Variants in GALNT13 observed in about 807,000 individuals in gnomAD.
The protein encoded by GALNT13 is polypeptide N-acetylgalactosaminyltransferase 13.
GALNT13 carries 28 observed loss-of-function variants against 64.2 expected under a neutral mutation model. The observed-to-expected ratio is 0.44, with a 90% CI of 0.32 to 0.60. The LOEUF (loss-of-function observed/expected upper bound fraction) is 0.60. Among genes scored for constraint, GALNT13 ranks in the 20% least tolerant of loss-of-function variants. The pLI, the probability that GALNT13 is intolerant of heterozygous loss-of-function variation, is 0.05. For missense variants in GALNT13, 577 were observed against 669.8 expected, an observed-to-expected ratio of 0.86 and a Z score of 1.53; for synonymous variants, 214 against 224.6, an observed-to-expected ratio of 0.95 and a Z score of 0.42.
At chr2:153,899,811 T>C (rs111861183) in intron 1 of GALNT13, among the ~76,000 whole-genome samples, 267 of 152,056 alleles carry the variant, frequency 1.8e-3, no homozygotes, top group African/African-American at 5.7e-3. Context: ...GAACTTAATA[T>C]TCCTTTAAAG....
chr2:153,111,489 CA>C, the GALNT13 span, among the ~76,000 whole-genome samples: 1 of 151,880 alleles, frequency 6.6e-6, no homozygotes, highest in Non-Finnish European at 1.5e-5. Context: ...GATATAAAAA[CA>C]AAGAAATTCG....
the GALNT13 span, among the ~76,000 whole-genome samples, chr2:153,500,417 A>G: frequency 2.0e-5 from 3 of 152,204 alleles, no homozygotes; most frequent in Non-Finnish European, 2.9e-5. Context: ...ACTTGGGTGC[A>G]TGGAGATTGG....
rs1042342299 is a variant in GALNT13, at chr2:154,423,920, T to C, written c.1396-14672T>C. ...GTGATACCGTGCACCCTTGAAGTGATGGGAATGACACTGTACCTTTGAGGT... is the reference window on the plus strand; with the variant it reads ...GTGATACCGTGCACCCTTGAAGTGACGGGAATGACACTGTACCTTTGAGGT... On this transcript the variant is annotated intron_variant, in intron 11 of 12. Coordinates refer to ENST00000392825, the MANE Select transcript of GALNT13 (RefSeq NM_052917.4). Among the ~76,000 whole-genome samples, 3 of 152,140 alleles carry C rather than the reference T, an allele frequency of 2.0e-5. No individual in the cohort carries two copies. The East Asian group carries it at 5.8e-4, about 29-fold the overall frequency.
At chr2:154,072,711 C>G (rs562769351) in intron 3 of GALNT13, among the ~76,000 whole-genome samples, 2 of 152,114 alleles carry the variant, frequency 1.3e-5, no homozygotes, top group East Asian at 3.9e-4. Context: ...CTTACAGCAA[C>G]TGGTGGTAGG....
chr2:154,189,742 AT>A (rs1361681099), intron 4 of GALNT13, among the ~76,000 whole-genome samples: 1 of 152,180 alleles, frequency 6.6e-6, no homozygotes. Flanking sequence ...ATCCCAATAA[AT>A]ATGTCACTAA....
chr2:153,099,280 G>T, the GALNT13 span, among the ~76,000 whole-genome samples: 2 of 152,094 alleles, frequency 1.3e-5, no homozygotes, highest in African/African-American at 4.8e-5. Context: ...TCCTGATCTG[G>T]CTTTTCAGTT....
chr2:153,696,466 T>C, the GALNT13 span, among the ~76,000 whole-genome samples: 3,817 of 152,266 alleles, frequency 0.025, 63 homozygotes, highest in Middle Eastern at 0.041. Flanking sequence ...GAACAATACA[T>C]TGTATGCTTC....
chr2:154,374,144 T>C (rs1226209234), intron 9 of GALNT13, among the ~76,000 whole-genome samples: 1 of 152,230 alleles, frequency 6.6e-6, no homozygotes, highest in Non-Finnish European at 1.5e-5. Context: ...CTTGGGAGAC[T>C]GAAACCTCCA....
chr2:154,114,502 A>G (rs72871820), intron 3 of GALNT13, among the ~76,000 whole-genome samples: 1 of 152,116 alleles, frequency 6.6e-6, no homozygotes, highest in Non-Finnish European at 1.5e-5. Context: ...TGAAATGCCT[A>G]TCATTTCTCT....
chr2:154,277,019 G>A (rs1691687767), intron 8 of GALNT13, among the ~76,000 whole-genome samples: 1 of 152,072 alleles, frequency 6.6e-6, no homozygotes, highest in Admixed American at 6.5e-5. Flanking sequence ...GTCTTTATTA[G>A]CAGCATGGGA....
chr2:154,254,229 T>G (rs1043325017), intron 7 of GALNT13, among the ~76,000 whole-genome samples: 1 of 152,184 alleles, frequency 6.6e-6, no homozygotes, highest in Non-Finnish European at 1.5e-5. Flanking sequence ...AGCTAAACAC[T>G]TTACATGCAG....
At chr2:153,269,580 T>C in the GALNT13 span, among the ~76,000 whole-genome samples, 1 of 152,174 alleles carries the variant, frequency 6.6e-6, no homozygotes, top group African/African-American at 2.4e-5. Flanking sequence ...CTCTGCTTGT[T>C]ACCGTTTCCA....
At chr2:154,195,779 A>G (rs763760447) in intron 4 of GALNT13, among the ~76,000 whole-genome samples, 14 of 152,174 alleles carry the variant, frequency 9.2e-5, no homozygotes, top group Non-Finnish European at 1.6e-4. Context: ...ACAATTGGAT[A>G]GTGATATTTT....
At chr2:153,694,813 A>G in the GALNT13 span, among the ~76,000 whole-genome samples, 1 of 152,190 alleles carries the variant, frequency 6.6e-6, no homozygotes, top group Non-Finnish European at 1.5e-5. Flanking sequence ...GGAATGTCTA[A>G]GATACTATGT....
chr2:154,350,386 C>T (rs560641253), intron 9 of GALNT13, among the ~76,000 whole-genome samples: 17 of 152,302 alleles, frequency 1.1e-4, no homozygotes, highest in African/African-American at 4.1e-4. Flanking sequence ...ATCTTTCTCC[C>T]ATGCTGGATG....
the GALNT13 span, among the ~76,000 whole-genome samples, chr2:153,451,637 G>A: frequency 7.9e-5 from 12 of 152,286 alleles, no homozygotes; most frequent in East Asian, 5.8e-4. Flanking sequence ...CAAAACTAGC[G>A]TTTTACAGTA....
intron 9 of GALNT13, among the ~76,000 whole-genome samples, chr2:154,361,031 T>C (rs1306430227): frequency 1.3e-5 from 2 of 151,976 alleles, no homozygotes; most frequent in Admixed American, 6.6e-5. Flanking sequence ...TGTAAAACAA[T>C]TGGAGCATGG....
chr2:154,391,460 C>G (rs895243090), intron 9 of GALNT13, among the ~76,000 whole-genome samples: 3 of 152,118 alleles, frequency 2.0e-5, no homozygotes. Flanking sequence ...TGCATATTAA[C>G]TAGATTTTCT....
chr2:153,807,452 G>A, the GALNT13 span, among the ~76,000 whole-genome samples: 1 of 151,582 alleles, frequency 6.6e-6, no homozygotes, highest in South Asian at 2.1e-4. Context: ...TCTTAGAATG[G>A]CCACACAATT....
Sources: allele counts gnomAD v4.1 joint callset (sites outside exome capture counted in the v4.1 genomes callset), GRCh38; gene constraint gnomAD v4.1.1; transcripts MANE v1.5; gene names NCBI Gene and HGNC (gene_info 2026-07-23, HGNC 2026-07-21).